SYNE1: variants seen among roughly 807,000 people sequenced by gnomAD.
SYNE1 encodes the protein spectrin repeat containing nuclear envelope protein 1, also known as nesprin-1.
Under a neutral mutation model 1,111.0 loss-of-function variants are expected in SYNE1, and 616 were observed. That is an observed-to-expected ratio of 0.55 (90% CI 0.52 to 0.59). SYNE1 has a LOEUF of 0.59. SYNE1 is among the 20% of genes least tolerant of loss of function. SYNE1 has a pLI of 0.00. For missense variants in SYNE1, 10,006 were observed against 10,417.0 expected (o/e 0.96, Z 1.72); for synonymous variants, 3,855 against 3,825.8 (o/e 1.01, Z -0.28).
rs371528064 is a variant in SYNE1, at chr6:152,188,238, G to A, written c.23301+1014C>T. ...CTATTATGTGCCAGGCAGGGCACTCGGGGTATAGAAGTAACAAAGACAGGG... is the reference window on the plus strand; with the variant it reads ...CTATTATGTGCCAGGCAGGGCACTCAGGGTATAGAAGTAACAAAGACAGGG... On this transcript the variant is annotated intron_variant, in intron 128 of 145. Coordinates refer to ENST00000367255, the MANE Select transcript of SYNE1 (RefSeq NM_182961.4). Among the ~76,000 whole-genome samples, 6 of 152,252 alleles carry A rather than the reference G, an allele frequency of 3.9e-5. No individual in the cohort carries two copies. In the South Asian group the frequency reaches 1.0e-3, roughly 26 times the overall value.
chr6:152,296,632 C>T (rs578082847), intron 93 of SYNE1, among the ~76,000 whole-genome samples: 6 of 152,190 alleles, frequency 3.9e-5, no homozygotes, highest in African/African-American at 1.4e-4. Context: ...AAACTGGCAG[C>T]CTGTGGGCTG....
chr6:152,218,789 G>T (rs2153455825), intron 120 of SYNE1, among the ~76,000 whole-genome samples: 1 of 152,296 alleles, frequency 6.6e-6, no homozygotes, highest in Non-Finnish European at 1.5e-5. Flanking sequence ...TCAGGGGCTT[G>T]CATCTTAAAC....
intron 82 of SYNE1, 138 bp downstream of exon 82, chr6:152,323,340 G>T: frequency 7.6e-7 from 1 of 1,312,876 alleles, no homozygotes; most frequent in Non-Finnish European, 1.0e-6. Flanking sequence ...CAGAGAGGCT[G>T]AGGCAGGAGA....
chr6:152,334,291 C>CA lies in SYNE1; in HGVS notation c.12529-19dup. Reference sequence around the variant, plus strand: ...ACAAAATCCTAAAGGATAACAGCAACAAAAAATATGTAATGTGTTAAGAAA... The same window carrying CA: ...ACAAAATCCTAAAGGATAACAGCAACAAAAAAATATGTAATGTGTTAAGAAA... On this transcript the variant is annotated intron_variant, in intron 76 of 145. Coordinates refer to ENST00000367255, the MANE Select transcript of SYNE1 (RefSeq NM_182961.4). The CA allele has an allele frequency of 6.2e-7, 1 of 1,611,692 alleles. No individual in the cohort carries two copies. The highest frequency in any genetic ancestry group is 8.5e-7 in the Non-Finnish European group (1 of 1,179,830).
At chr6:152,224,073 C>T (rs2080884610) in intron 117 of SYNE1, among the ~76,000 whole-genome samples, 1 of 152,172 alleles carries the variant, frequency 6.6e-6, no homozygotes, top group African/African-American at 2.4e-5. Flanking sequence ...TGAATGGAAG[C>T]AACTGAATGG....
intron 98 of SYNE1, 84 bp from the exon 99 acceptor site, chr6:152,269,370 T>A (rs985071692): frequency 5.6e-6 from 9 of 1,604,916 alleles, no homozygotes; most frequent in Non-Finnish European, 7.6e-6. Context: ...TTTGGTGTGA[T>A]CTATGTAATG....
chr6:152,600,963 G>A (rs2099594766), intron 3 of SYNE1, among the ~76,000 whole-genome samples: 1 of 152,214 alleles, frequency 6.6e-6, no homozygotes. Flanking sequence ...TTTTCTAGAT[G>A]GGAAACATGC....
chr6:152,377,004 T>C, intron 56 of SYNE1, 92 bp from the exon 57 acceptor site: 1 of 1,492,744 alleles, frequency 6.7e-7, no homozygotes, highest in East Asian at 2.3e-5. Context: ...TATTATAAAT[T>C]ATTAGTGAGA....
At chr6:152,452,477 A>G (rs978173302) in intron 25 of SYNE1, among the ~76,000 whole-genome samples, 2 of 152,164 alleles carry the variant, frequency 1.3e-5, no homozygotes, top group Non-Finnish European at 2.9e-5. Context: ...AGTAAAAAGG[A>G]TATTTCTTTA....
At chr6:152,426,586 C>G (rs2098359759) in intron 38 of SYNE1, among the ~76,000 whole-genome samples, 1 of 152,226 alleles carries the variant, frequency 6.6e-6, no homozygotes, top group Admixed American at 6.5e-5. Context: ...GCCCATGTAG[C>G]CTTGAGTCAG....
intron 3 of SYNE1, among the ~76,000 whole-genome samples, chr6:152,608,234 C>G (rs1415326835): frequency 6.6e-6 from 1 of 152,196 alleles, no homozygotes; most frequent in Non-Finnish European, 1.5e-5. Context: ...CTTGCTTGCT[C>G]TCTCTCTTCA....
At chr6:152,359,491 T>C (rs2096895474) in intron 64 of SYNE1, 33 bp from the exon 65 acceptor site, 3 of 1,613,388 alleles carry the variant, frequency 1.9e-6, no homozygotes, top group African/African-American at 1.3e-5. Flanking sequence ...AAAGTGGCCA[T>C]TCATGCACCA....
intron 54 of SYNE1, among the ~76,000 whole-genome samples, chr6:152,386,425 T>A (rs778498535): frequency 6.6e-6 from 1 of 152,050 alleles, no homozygotes; most frequent in Non-Finnish European, 1.5e-5. Context: ...AACAAGCACA[T>A]CTATTAATAA....
intron 137 of SYNE1, chr6:152,145,163 C>T (rs1444906449): frequency 2.7e-6 from 1 of 371,746 alleles, no homozygotes; most frequent in Non-Finnish European, 5.2e-6. Context: ...ATTACCACAC[C>T]ACGTAGAACA....
rs773029328 is a variant in SYNE1 at position 152,224,482 on chromosome 6, T to C, written c.21522+12A>G. ...AAATGAACGTTAAGGATGTGTTAAA[T>C]TAATTCCTTACCTGAAGATTGTCCA... On this transcript the variant is annotated intron_variant, in intron 117 of 145. Transcript: ENST00000367255. 3 of 1,613,044 alleles carry C rather than the reference T, an allele frequency of 1.9e-6. No homozygotes were observed. Among genetic ancestry groups the C allele is most frequent in the Middle Eastern group, 1.7e-4 (1 of 6,056 alleles).
chr6:152,476,386 T>C (rs576462182), intron 14 of SYNE1, among the ~76,000 whole-genome samples: 14 of 152,334 alleles, frequency 9.2e-5, no homozygotes, highest in African/African-American at 3.4e-4. Context: ...GGTATGTATC[T>C]AATGCTGAAA....
intron 12 of SYNE1, among the ~76,000 whole-genome samples, chr6:152,487,060 CTTTTA>C (rs1395903694): frequency 2.0e-5 from 3 of 152,122 alleles, no homozygotes; most frequent in Admixed American, 6.6e-5. Context: ...TTTTCTCCAA[CTTTTA>C]TTTTAAGTTC....
intron 28 of SYNE1, among the ~76,000 whole-genome samples, chr6:152,448,917 C>T (rs2098621195): frequency 6.6e-6 from 1 of 152,162 alleles, no homozygotes; most frequent in South Asian, 2.1e-4. Context: ...CCAACAGCAA[C>T]TATGTGGCAA....
At chr6:152,577,953 C>T (rs1351783332) in intron 3 of SYNE1, among the ~76,000 whole-genome samples, 1 of 152,142 alleles carries the variant, frequency 6.6e-6, no homozygotes, top group Admixed American at 6.5e-5. Flanking sequence ...ATCTTCTCTA[C>T]ATCCTGCATT....
Sources: allele counts gnomAD v4.1 joint callset (sites outside exome capture counted in the v4.1 genomes callset), GRCh38; gene constraint gnomAD v4.1.1; transcripts MANE v1.5; gene names NCBI Gene and HGNC (gene_info 2026-07-23, HGNC 2026-07-21).